Variants in UCK1 observed in about 807,000 individuals in gnomAD.
UCK1 encodes the protein cytidine monophosphokinase 1.
A neutral mutation model predicts 34.0 loss-of-function variants in UCK1; 20 were observed. That is an observed-to-expected ratio of 0.59 (90% CI 0.41 to 0.86). The LOEUF (loss-of-function observed/expected upper bound fraction) is 0.86. UCK1 is among the 40% of genes least tolerant of loss of function. UCK1 has a pLI of 0.00. For synonymous variants in UCK1, 168 were observed against 155.9 expected (o/e 1.08, Z -0.58); for missense variants, 343 against 383.6 (o/e 0.89, Z 0.88).
Position 131,525,967 on chromosome 9 carries a change from T to C in UCK1, c.614A>G (p.Tyr205Cys). ...TCCTCGCGGGATGATCACATCGGCA[T>C]ACTTCTTTGTCTGTAAGGCACAAGG... ...FEEFCLPTKK[Y>C]ADVIIPRGVD... is the part of the protein sequence containing the mutation. The change falls in exon 6 of 7, where the codon TAT becomes TGT. Residue 205 changes from tyrosine to cysteine, a missense_variant. By Grantham distance (194) the Tyr-to-Cys change is radical (BLOSUM62 -2). Coordinates refer to ENST00000372215, the MANE Select transcript of UCK1 (RefSeq NM_031432.5). 1 of 1,614,134 alleles carries C rather than the reference T, an allele frequency of 6.2e-7. No individual in the cohort carries two copies. The highest frequency in any genetic ancestry group is 8.5e-7 in the Non-Finnish European group (1 of 1,180,002).
chr9:131,530,685 G>A lies in UCK1; in HGVS notation c.109-40C>T, dbSNP rs1250705139. On this transcript the variant is annotated intron_variant, in intron 1 of 6. Coordinates refer to ENST00000372215, the MANE Select transcript of UCK1 (RefSeq NM_031432.5). Reference sequence around the variant, plus strand: ...GCGGGATTCCCGCCTGGAACCGCTCGTCCTGTGACAGGCACGGGGCCGGCT... The same window carrying A: ...GCGGGATTCCCGCCTGGAACCGCTCATCCTGTGACAGGCACGGGGCCGGCT... 3 of 1,614,164 alleles carry A rather than the reference G, an allele frequency of 1.9e-6. No individual in the cohort carries two copies. In the South Asian group the frequency reaches 3.3e-5, roughly 18 times the overall value.
rs1444722454 is a variant in UCK1, at chr9:131,525,910, C to T, written c.652+19G>A. 1.9e-6 allele frequency: 3 copies of T among 1,613,246 alleles called. No individual in the cohort carries two copies. The African/African-American group carries it at 4.0e-5, about 22-fold the overall frequency. On this transcript the variant is annotated intron_variant, in intron 6 of 6. Transcript: ENST00000372215. ...CTCTGGGAGGGGCGGGGGGACAGCC[C>T]AGCAGGCCAGCTTCTTACCCATATT...
intron 5 of UCK1, 52 bp downstream of exon 5, chr9:131,528,892 A>G (rs1490653355): frequency 6.2e-7 from 1 of 1,601,750 alleles, no homozygotes; most frequent in East Asian, 2.3e-5. Flanking sequence ...ACTGGGTCCC[A>G]TGTGTCCTTG....
chr9:131,525,664 T>C (rs1245044377), intron 6 of UCK1, among the ~76,000 whole-genome samples: 1 of 152,122 alleles, frequency 6.6e-6, no homozygotes, highest in Admixed American at 6.5e-5. Context: ...TTTGTAGAGA[T>C]GGGGTTTTGC....
chr9:131,529,431 C>T (rs1393051078), intron 3 of UCK1, 57 bp downstream of exon 3: 69 of 1,610,048 alleles, frequency 4.3e-5, no homozygotes, highest in Admixed American at 1.0e-4. Flanking sequence ...TGTGTGAGCC[C>T]GAGGGGACGT....
intron 3 of UCK1, 24 bp from the exon 4 acceptor site, chr9:131,529,294 G>A: frequency 6.2e-7 from 1 of 1,613,640 alleles, no homozygotes; most frequent in South Asian, 1.1e-5. Context: ...GGGGAAAGGG[G>A]CTCTGCTGCA....
In UCK1 at chr9:131,529,483, C is replaced by T. The variant is rs372432323; in HGVS notation, c.365+5G>A. 171 of 1,614,092 alleles carry T rather than the reference C, an allele frequency of 1.1e-4. No homozygotes were observed. The African/African-American group carries it at 1.9e-3, about 18-fold the overall frequency. ...CCTCGGCCCTCCCTAGAACCACCTG[C>T]TTACCTTGAGTGTGTCACAAAATCA... On this transcript the variant is annotated splice_donor_5th_base_variant and intron_variant, in intron 3 of 6. Transcript: ENST00000372215.
At chr9:131,527,154 CAAAA>C (rs34625466) in intron 5 of UCK1, among the ~76,000 whole-genome samples, 10 of 126,756 alleles carry the variant, frequency 7.9e-5, no homozygotes, top group Middle Eastern at 3.6e-3. Context: ...CCCGTCTGTG[CAAAA>C]AAAAAAAAAA....
intron 5 of UCK1, among the ~76,000 whole-genome samples, chr9:131,527,061 T>C (rs1374237161): frequency 6.6e-6 from 1 of 150,474 alleles, no homozygotes; most frequent in Non-Finnish European, 1.5e-5. Context: ...CTCACGCCGG[T>C]GATCCCAGCA....
chr9:131,525,850 T>C (rs1304640533), intron 6 of UCK1, 79 bp downstream of exon 6: 9 of 1,496,100 alleles, frequency 6.0e-6, no homozygotes, highest in Non-Finnish European at 8.3e-6. Flanking sequence ...GAGTGCTCAG[T>C]AACTGCACAC....
At chr9:131,530,265 CTG>C (rs112885574) in intron 2 of UCK1, among the ~76,000 whole-genome samples, 2,019 of 152,330 alleles carry the variant, frequency 0.013, 25 homozygotes, top group African/African-American at 0.013. Context: ...GGCTTCCTGA[CTG>C]GCTCCAACCA....
At chr9:131,530,723 G>A in intron 1 of UCK1, 78 bp from the exon 2 acceptor site, 1 of 1,612,930 alleles carries the variant, frequency 6.2e-7, no homozygotes, top group Non-Finnish European at 8.5e-7. Context: ...TGGAGACACT[G>A]ACCCACCCGC....
chr9:131,531,252 T>A lies in UCK1; in HGVS notation c.-78A>T. 1 of 1,220,302 alleles carries A rather than the reference T, an allele frequency of 8.2e-7. No individual in the cohort carries two copies. Among genetic ancestry groups the A allele is most frequent in the Non-Finnish European group, 1.0e-6 (1 of 955,502 alleles). The allele number at this position is 1,220,302 out of a possible 1,614,324, so 75.6% of individuals were successfully genotyped here. A position where few individuals can be genotyped will look rare whatever the true frequency, so the allele number is the denominator to read the frequency against. ...CCGGCGCGCCCGCCCAGCGCCGAGG[T>A]CGGAGGCAACCGGAGCGATCACTTC... On this transcript the variant is annotated 5_prime_UTR_variant, in exon 1 of 7. Coordinates refer to ENST00000372215, the MANE Select transcript of UCK1 (RefSeq NM_031432.5).
chr9:131,525,992 G>A lies in UCK1; in HGVS notation c.604-15C>T, dbSNP rs369633286. 29 of 1,613,826 alleles carry A rather than the reference G, an allele frequency of 1.8e-5. No individual in the cohort carries two copies. Among genetic ancestry groups the A allele is most frequent in the Middle Eastern group, 1.6e-4 (1 of 6,084 alleles). On this transcript the variant is annotated splice_polypyrimidine_tract_variant and intron_variant, in intron 5 of 6. Coordinates refer to ENST00000372215, the MANE Select transcript of UCK1 (RefSeq NM_031432.5). ...TACTTCTTTGTCTGTAAGGCACAAG[G>A]GGGGGTGTTCCTGTGAGGACTTTTC...
At chr9:131,527,179 T>C (rs1950640388) in intron 5 of UCK1, among the ~76,000 whole-genome samples, 1 of 147,052 alleles carries the variant, frequency 6.8e-6, no homozygotes, top group Non-Finnish European at 1.5e-5. Context: ...AAGGAAAAAT[T>C]AGCCAGGCGT....
At chr9:131,526,824 G>A (rs960718210) in intron 5 of UCK1, among the ~76,000 whole-genome samples, 1 of 152,244 alleles carries the variant, frequency 6.6e-6, no homozygotes, top group African/African-American at 2.4e-5. Context: ...ATGAAAGCAC[G>A]AGCGCAAGGG....
chr9:131,525,215 A>C lies in UCK1; in HGVS notation c.659T>G (p.Ile220Ser), dbSNP rs1276853117. The C allele has an allele frequency of 1.2e-6, 2 of 1,613,794 alleles. No individual in the cohort carries two copies. Among genetic ancestry groups the C allele is most frequent in the South Asian group, 2.2e-5 (2 of 91,068 alleles). ...CTGGATGTGCTGCACGATCAGGTTG[A>C]TGGCAACTGCGCCAAGAGACAGACA... is the stretch of plus-strand genomic sequence containing the variant. Reference protein sequence around the residue: ...IPRGVDNMVAINLIVQHIQDI... With the variant: ...IPRGVDNMVASNLIVQHIQDI... The change falls in exon 7 of 7, where the codon ATC (isoleucine) becomes AGC (serine). Residue 220 changes from isoleucine (I) to serine (S), a missense_variant. Coordinates refer to ENST00000372215, the MANE Select transcript of UCK1 (RefSeq NM_031432.5).
Position 131,524,678 on chromosome 9 carries a change from A to AAAAC in UCK1, c.*358_*361dup, listed in dbSNP as rs2131970796. ...CTCCCACTGTGGGTTCACTGTCAAC[A>AAAAC]AAACATCAGGCCAGCCAGTGTCTAG... On this transcript the variant is annotated 3_prime_UTR_variant, in exon 7 of 7. Transcript: ENST00000372215. 4.7e-6 allele frequency: 1 copy of AAAAC among 211,632 alleles called. No individual in the cohort carries two copies. The highest frequency in any genetic ancestry group is 1.3e-4 in the East Asian group (1 of 7,812). 13.1% of individuals were successfully genotyped at this position (211,632 alleles called of 1,614,324 possible). A position where few individuals can be genotyped will look rare whatever the true frequency, so the allele number is the denominator to read the frequency against.
Position 131,529,283 on chromosome 9 carries a change from C to A in UCK1, c.366-13G>T. ...GGTCTCTGGTAACCTGAGGGGCGCACGGGGAAAGGGGCTCTGCTGCAGACA... is the reference window on the plus strand; with the variant it reads ...GGTCTCTGGTAACCTGAGGGGCGCAAGGGGAAAGGGGCTCTGCTGCAGACA... On this transcript the variant is annotated splice_polypyrimidine_tract_variant and intron_variant, in intron 3 of 6. Coordinates refer to ENST00000372215, the MANE Select transcript of UCK1 (RefSeq NM_031432.5). The A allele has an allele frequency of 9.9e-6, 16 of 1,613,832 alleles. No individual in the cohort carries two copies. The highest frequency in any genetic ancestry group is 1.4e-5 in the Non-Finnish European group (16 of 1,179,888).
Sources: gnomAD v4.1 joint callset for allele counts (sites outside exome capture counted in the v4.1 genomes callset) on GRCh38, gnomAD v4.1.1 for gene constraint, MANE v1.5 for transcripts, NCBI Gene and HGNC (gene_info 2026-07-23, HGNC 2026-07-21) for gene names.